RBFOX1: variants seen among roughly 807,000 people sequenced by gnomAD.
RBFOX1 encodes RNA binding protein fox-1 homolog 1.
A neutral mutation model predicts 57.7 loss-of-function variants in RBFOX1; 8 were observed. The observed-to-expected ratio is 0.14, with a 90% CI of 0.08 to 0.25. The LOEUF (loss-of-function observed/expected upper bound fraction) is 0.25, where lower values mean the gene tolerates loss of function less well. Ranked by LOEUF, RBFOX1 falls within the 10% of genes least tolerant of loss-of-function variation. RBFOX1 has a pLI of 1.00. For missense variants in RBFOX1, 611 were observed against 548.5 expected, an observed-to-expected ratio of 1.11 and a Z score of -1.14; for synonymous variants, 326 against 222.4, an observed-to-expected ratio of 1.47 and a Z score of -4.15.
intron 1 of RBFOX1, among the ~76,000 whole-genome samples, chr16:5,299,504 C>G (rs1013692685): frequency 6.6e-6 from 1 of 152,214 alleles, no homozygotes; most frequent in African/African-American, 2.4e-5. Flanking sequence ...TCATGAGAAA[C>G]TGTTAAACAG....
chr16:5,876,859 A>G (rs924443138), intron 4 of RBFOX1, among the ~76,000 whole-genome samples: 1 of 152,164 alleles, frequency 6.6e-6, no homozygotes, highest in Non-Finnish European at 1.5e-5. Flanking sequence ...AGGATTCACC[A>G]TGTTTTATCA....
At position 6,829,286 on chromosome 16, in the gene RBFOX1, G is replaced by A. The variant is rs186691979; in HGVS notation, c.-16+174636G>A. 3.2e-4 allele frequency among the ~76,000 whole-genome samples: 48 copies of A among 151,272 alleles called. No homozygotes were observed. In the South Asian group the frequency reaches 4.2e-3, roughly 13 times the overall value. On this transcript the variant is annotated intron_variant, in intron 3 of 15. Transcript: ENST00000550418. ...TAGCATAAAAGGAGAAATCTGAGAAGTTCTACTTTTAGGAATTTAATCTAC... is the reference window on the plus strand; with the variant it reads ...TAGCATAAAAGGAGAAATCTGAGAAATTCTACTTTTAGGAATTTAATCTAC...
intron 4 of RBFOX1, among the ~76,000 whole-genome samples, chr16:7,160,281 C>T (rs554012380): frequency 2.0e-5 from 3 of 151,876 alleles, no homozygotes; most frequent in Non-Finnish European, 2.9e-5. Flanking sequence ...CTGTCTTTGG[C>T]AGGTTTCAGG....
At position 5,484,045 on chromosome 16, in the gene RBFOX1, C is replaced by A. The variant is rs1597250597; in HGVS notation, c.258+16791C>A. On this transcript the variant is annotated intron_variant, in intron 2 of 2. Coordinates refer to the RBFOX1 transcript ENST00000585867. ...AAACAGCTGGGCATGGTGGTGTGTA[C>A]CTATAGTCCCAACTACTCAGGAAGC... 2.6e-5 allele frequency among the ~76,000 whole-genome samples: 4 copies of A among 152,142 alleles called. No homozygotes were observed. In the South Asian group the frequency reaches 8.3e-4, roughly 32 times the overall value.
chr16:7,282,300 T>C (rs1437442169), intron 4 of RBFOX1, among the ~76,000 whole-genome samples: 1 of 152,208 alleles, frequency 6.6e-6, no homozygotes, highest in Non-Finnish European at 1.5e-5. Flanking sequence ...CATTTATTCC[T>C]GGATGCCACA....
chr16:5,375,231 A>T (rs1471252618), intron 1 of RBFOX1, among the ~76,000 whole-genome samples: 1 of 152,200 alleles, frequency 6.6e-6, no homozygotes, highest in African/African-American at 2.4e-5. Flanking sequence ...GGGGAAGATG[A>T]CATGTGATAA....
intron 3 of RBFOX1, among the ~76,000 whole-genome samples, chr16:5,714,255 C>A (rs917270707): frequency 9.2e-5 from 14 of 152,208 alleles, no homozygotes; most frequent in Non-Finnish European, 1.9e-4. Flanking sequence ...ATGTAACTTG[C>A]TTTGGCCAAT....
chr16:6,329,797 G>A (rs2082789110), intron 2 of RBFOX1, among the ~76,000 whole-genome samples: 1 of 152,102 alleles, frequency 6.6e-6, no homozygotes, highest in South Asian at 2.1e-4. Flanking sequence ...AATTAAGTGG[G>A]AATAGTGTCA....
At chr16:5,955,361 TAAAATAAAA>T (rs1567187919) in intron 4 of RBFOX1, among the ~76,000 whole-genome samples, 13 of 23,768 alleles carry the variant, frequency 5.5e-4, no homozygotes, top group African/African-American at 3.4e-3. Flanking sequence ...TAAATAAAAA[TAAAATAAAA>T]TAAAATAAAA....
At chr16:7,290,292 A>G (rs188768654) in intron 4 of RBFOX1, among the ~76,000 whole-genome samples, 56 of 152,360 alleles carry the variant, frequency 3.7e-4, no homozygotes, top group South Asian at 6.2e-4. Flanking sequence ...ATTGTTTTCA[A>G]TTAGGCTTAT....
At chr16:5,666,530 T>C (rs759644587) in intron 3 of RBFOX1, among the ~76,000 whole-genome samples, 40 of 152,324 alleles carry the variant, frequency 2.6e-4, no homozygotes, top group South Asian at 4.2e-4. Flanking sequence ...CTTTGGAGCC[T>C]GCGTTTCTGT....
intron 3 of RBFOX1, among the ~76,000 whole-genome samples, chr16:6,735,672 C>G (rs1381426808): frequency 1.3e-5 from 2 of 152,162 alleles, no homozygotes; most frequent in South Asian, 2.1e-4. Flanking sequence ...TGCTGAGACT[C>G]TCTCAGATCC....
intron 1 of RBFOX1, among the ~76,000 whole-genome samples, chr16:5,347,531 G>GA (rs2065166401): frequency 6.6e-6 from 1 of 151,950 alleles, no homozygotes; most frequent in Admixed American, 6.6e-5. Flanking sequence ...CATACACTTG[G>GA]AAAATCACTA....
Position 5,904,296 on chromosome 16 carries a change from G to C in RBFOX1, c.351+36961G>C, listed in dbSNP as rs547402054. Among the ~76,000 whole-genome samples, 336 of 152,166 alleles carry C rather than the reference G, an allele frequency of 2.2e-3. 1 individual carries two copies. Among genetic ancestry groups the C allele is most frequent in the African/African-American group, 7.6e-3 (315 of 41,522 alleles). On this transcript the variant is annotated intron_variant, in intron 4 of 19. Transcript: ENST00000641259. ...AGAAATCTGCATGCCACTTTACCTT[G>C]TAAGTCAGGCCAGCAGAATACAAAG...
intron 3 of RBFOX1, among the ~76,000 whole-genome samples, chr16:5,634,400 A>G (rs921534694): frequency 4.6e-5 from 7 of 152,242 alleles, no homozygotes; most frequent in Admixed American, 6.5e-5. Flanking sequence ...AAAAATAGGG[A>G]CAATTTAACT....
intron 3 of RBFOX1, among the ~76,000 whole-genome samples, chr16:6,924,962 T>C (rs1352554849): frequency 1.3e-5 from 2 of 151,518 alleles, no homozygotes; most frequent in African/African-American, 2.4e-5. Context: ...CTTGCGATAG[T>C]TTGCTGAGAA....
chr16:7,600,710 C>T (rs773315349), intron 9 of RBFOX1, among the ~76,000 whole-genome samples: 2 of 152,194 alleles, frequency 1.3e-5, no homozygotes, highest in Non-Finnish European at 2.9e-5. Context: ...TCATGCATTA[C>T]TTCAATCATG....
chr16:7,517,583 C>G (rs1176702373), intron 4 of RBFOX1, among the ~76,000 whole-genome samples: 2 of 151,596 alleles, frequency 1.3e-5, no homozygotes. Flanking sequence ...CAACATAACA[C>G]ACAACCACAC....
At chr16:5,470,796 C>T in intron 2 of RBFOX1, among the ~76,000 whole-genome samples, 1 of 152,102 alleles carries the variant, frequency 6.6e-6, no homozygotes, top group East Asian at 1.9e-4. Context: ...CATCTAGAGG[C>T]TTCTCCAGGC....
Sources: gnomAD v4.1 joint callset for allele counts (sites outside exome capture counted in the v4.1 genomes callset) on GRCh38, gnomAD v4.1.1 for gene constraint, MANE v1.5 for transcripts, NCBI Gene and HGNC (gene_info 2026-07-23, HGNC 2026-07-21) for gene names.